C3orf18: variants seen among roughly 807,000 people sequenced by gnomAD.
The protein encoded by C3orf18 is chromosome 3 open reading frame 18.
A neutral mutation model predicts 14.1 loss-of-function variants in C3orf18; 12 were observed. The observed-to-expected ratio is 0.85, with a 90% confidence interval of 0.55 to 1.38. The LOEUF (loss-of-function observed/expected upper bound fraction) is 1.38, where lower values mean the gene tolerates loss of function less well. C3orf18 is among the 40% of genes most tolerant of loss of function. The pLI, the probability that C3orf18 is intolerant of heterozygous loss-of-function variation, is 0.00. For missense variants in C3orf18, 196 were observed against 213.9 expected, an observed-to-expected ratio of 0.92 and a Z score of 0.52; for synonymous variants, 82 against 87.9, an observed-to-expected ratio of 0.93 and a Z score of 0.38.
At chr3:50,568,299 A>G (rs1201879889), upstream of C3orf18, among the ~76,000 whole-genome samples, 2 of 152,160 alleles carry the variant, frequency 1.3e-5, no homozygotes, top group East Asian at 1.9e-4. Context: ...TGATCAGCTC[A>G]GGGAAGGAGC....
chr3:50,572,166 A>G (rs1227243109), upstream of C3orf18: 2 of 1,613,786 alleles, frequency 1.2e-6, no homozygotes, highest in African/African-American at 1.3e-5. Flanking sequence ...GGCTCAGCCT[A>G]AGGATGGTGC....
At chr3:50,568,164 T>G (rs1227068170), upstream of C3orf18, among the ~76,000 whole-genome samples, 1 of 152,136 alleles carries the variant, frequency 6.6e-6, no homozygotes, top group African/African-American at 2.4e-5. Flanking sequence ...TCCTCTGGTG[T>G]GAGGGTTCTA....
At chr3:50,572,096 C>G (rs905133303), upstream of C3orf18, 1 of 1,611,884 alleles carries the variant, frequency 6.2e-7, no homozygotes. Context: ...TGATGACCAC[C>G]CAGCTGCCCC....
upstream of C3orf18, among the ~76,000 whole-genome samples, chr3:50,573,317 A>G (rs1701225325): frequency 6.6e-6 from 1 of 152,218 alleles, no homozygotes; most frequent in South Asian, 2.1e-4. Context: ...AGGACACAGT[A>G]TGGAGACCCA....
Position 50,566,914 on chromosome 3 carries a change from G to A in C3orf18, c.-252+549C>T, listed in dbSNP as rs562306305. Among the ~76,000 whole-genome samples, 40 of 152,328 alleles carry A rather than the reference G, an allele frequency of 2.6e-4. No homozygotes were observed. In the South Asian group the frequency reaches 7.9e-3, roughly 30 times the overall value. ...CCAAGCTGCAGATGGGACGGCCTAG[G>A]GAGAGGAGGGATACCTAGCTCGTGG... On this transcript the variant is annotated intron_variant, in intron 1 of 5. Transcript: ENST00000357203.
rs1456659849 is a variant in C3orf18, at chr3:50,558,692, A to T, written c.*965T>A. 2 of 1,286,508 alleles carry T rather than the reference A, an allele frequency of 1.6e-6. No individual in the cohort carries two copies. Among genetic ancestry groups the T allele is most frequent in the Admixed American group, 4.6e-5 (2 of 43,446 alleles). 79.7% of individuals were successfully genotyped at this position (1,286,508 alleles called of 1,614,324 possible). ...GAGCCCAAGACAGGGAGCCGTTTTC[A>T]GAAGCAGGTGAGCCCAGTGAAACAA... On this transcript the variant is annotated 3_prime_UTR_variant, in exon 6 of 6. Coordinates refer to ENST00000357203, the MANE Select transcript of C3orf18 (RefSeq NM_016210.5).
upstream of C3orf18, chr3:50,571,288 G>T: frequency 3.1e-6 from 5 of 1,611,918 alleles, no homozygotes; most frequent in Non-Finnish European, 4.2e-6. Context: ...TGAGGCCCGG[G>T]AATCCAGTGA....
chr3:50,571,808 A>C, upstream of C3orf18: 1 of 1,612,790 alleles, frequency 6.2e-7, no homozygotes, highest in Non-Finnish European at 8.5e-7. Context: ...AGAGGTGAGC[A>C]CCCATGGATC....
chr3:50,574,608 C>T (rs898641668), upstream of C3orf18, among the ~76,000 whole-genome samples: 1 of 152,172 alleles, frequency 6.6e-6, no homozygotes, highest in Non-Finnish European at 1.5e-5. Flanking sequence ...CACCTGACAA[C>T]AACTGGTCAC....
At chr3:50,564,080 C>T (rs1171050708) in intron 3 of C3orf18, among the ~76,000 whole-genome samples, 1 of 152,244 alleles carries the variant, frequency 6.6e-6, no homozygotes, top group Non-Finnish European at 1.5e-5. Context: ...GCCTGTGGGG[C>T]CCATATGGCA....
Position 50,558,334 on chromosome 3 carries a change from T to C in C3orf18, c.*1323A>G. The C allele has an allele frequency of 4.3e-6, 1 of 233,042 alleles. No homozygotes were observed. Among genetic ancestry groups the C allele is most frequent in the East Asian group, 1.2e-4 (1 of 8,614 alleles). 14.4% of individuals were successfully genotyped at this position (233,042 alleles called of 1,614,324 possible). ...GGACATGCCTCTGTGCATGCTTGTG[T>C]GCATATGTATGCCCAGCGTAAAAAA... On this transcript the variant is annotated 3_prime_UTR_variant, in exon 6 of 6. Coordinates refer to ENST00000357203, the MANE Select transcript of C3orf18 (RefSeq NM_016210.5).
In C3orf18 at chr3:50,559,720, C is replaced by T. The variant is rs969023895; in HGVS notation, c.426G>A (p.Gln142=). 1.9e-6 allele frequency: 3 copies of T among 1,592,794 alleles called. No individual in the cohort carries two copies. The highest frequency in any genetic ancestry group is 2.6e-6 in the Non-Finnish European group (3 of 1,169,436). Residue 142 remains glutamine, a synonymous_variant, in exon 6 of 6, where the codon CAG becomes CAA. Coordinates refer to ENST00000357203, the MANE Select transcript of C3orf18 (RefSeq NM_016210.5). ...AMQGKTTLPS[Q]GPLQRPSRLV... is the part of the protein sequence containing the mutation. ...GCCGGCTGGGTCTCTGCAGTGGGCCCTGGGAGGGCAGAGTAGTCTGCAGGA... is the reference window on the plus strand; with the variant it reads ...GCCGGCTGGGTCTCTGCAGTGGGCCTTGGGAGGGCAGAGTAGTCTGCAGGA...
chr3:50,572,051 CCCAGGCA>C, upstream of C3orf18: 5 of 1,605,478 alleles, frequency 3.1e-6, no homozygotes, highest in South Asian at 5.6e-5. Context: ...GGTATCTCAA[CCCAGGCA>C]TGGTCCTGTT....
intron 5 of C3orf18, 51 bp downstream of exon 5, chr3:50,560,856 AGGGTGAGGGT>A: frequency 6.6e-7 from 1 of 1,512,164 alleles, no homozygotes; most frequent in Non-Finnish European, 8.9e-7. Flanking sequence ...GAAAGGAGGG[AGGGTGAGGGT>A]GGAGGACAGA....
Position 50,565,485 on chromosome 3 carries a change from A to G in C3orf18, c.215T>C (p.Ile72Thr). Reference protein sequence around the residue: ...MLLSFGIITVIGLAVALVLYI... With the variant: ...MLLSFGIITVTGLAVALVLYI... Reference sequence around the variant, plus strand: ...TCTCACCAAGGCCACAGCCAGGCCTATCACCGTGATGATCCCAAAGGACAG... The same window carrying G: ...TCTCACCAAGGCCACAGCCAGGCCTGTCACCGTGATGATCCCAAAGGACAG... Residue 72 changes from isoleucine (I) to threonine (T), a missense_variant, in exon 3 of 6, where the codon ATA becomes ACA. Physicochemically the swap from Ile to Thr is moderately conservative, Grantham distance 89 (BLOSUM62 -1). Transcript: ENST00000357203. The surrounding 1 kb of genome is among the most constrained non-coding windows in gnomAD (Gnocchi z 4.4). 2 of 1,613,980 alleles carry G rather than the reference A, an allele frequency of 1.2e-6. No homozygotes were observed. The highest frequency in any genetic ancestry group is 2.7e-5 in the African/African-American group (2 of 75,044).
At position 50,559,744 on chromosome 3, in the gene C3orf18, G is replaced by A. The variant is rs1270109619; in HGVS notation, c.409-7C>T. 17 of 1,568,882 alleles carry A rather than the reference G, an allele frequency of 1.1e-5. No individual in the cohort carries two copies. Among genetic ancestry groups the A allele is most frequent in the Non-Finnish European group, 1.5e-5 (17 of 1,154,756 alleles). On this transcript the variant is annotated splice_polypyrimidine_tract_variant and splice_region_variant and intron_variant, in intron 5 of 5. Transcript: ENST00000357203. ...CCTGGGAGGGCAGAGTAGTCTGCAGGAAGACAGGCAGGGGCATCAGAGACC... is the reference window on the plus strand; with the variant it reads ...CCTGGGAGGGCAGAGTAGTCTGCAGAAAGACAGGCAGGGGCATCAGAGACC...
In C3orf18 at chr3:50,559,195, A is replaced by G. The variant is rs1411476027; in HGVS notation, c.*462T>C. Reference sequence around the variant, plus strand: ...ACAGATGCTGCCCTACCCTGTCCCTATAACTTGGGTGGTTTCCTCTCCCCA... The same window carrying G: ...ACAGATGCTGCCCTACCCTGTCCCTGTAACTTGGGTGGTTTCCTCTCCCCA... On this transcript the variant is annotated 3_prime_UTR_variant, in exon 6 of 6. Transcript: ENST00000357203. 7.8e-7 allele frequency: 1 copy of G among 1,289,670 alleles called. No individual in the cohort carries two copies. Among genetic ancestry groups the G allele is most frequent in the Non-Finnish European group, 1.0e-6 (1 of 989,136 alleles). 79.9% of individuals were successfully genotyped at this position (1,289,670 alleles called of 1,614,324 possible). A position where few individuals can be genotyped will look rare whatever the true frequency, so the allele number is the denominator to read the frequency against.
upstream of C3orf18, chr3:50,572,192 C>T (rs1021051033): frequency 4.3e-6 from 7 of 1,611,084 alleles, no homozygotes; most frequent in African/African-American, 4.0e-5. Flanking sequence ...GTGTTTATTC[C>T]TCGGCCAGAA....
At chr3:50,568,664 G>C (rs375373865), upstream of C3orf18, among the ~76,000 whole-genome samples, 6 of 139,376 alleles carry the variant, frequency 4.3e-5, no homozygotes, top group African/African-American at 1.6e-4. Flanking sequence ...GGCCGAGGTT[G>C]CAGTGAGCAG....
Sources: allele counts gnomAD v4.1 joint callset (sites outside exome capture counted in the v4.1 genomes callset), GRCh38; gene constraint gnomAD v4.1.1; non-coding constraint Gnocchi (gnomAD v3.1); transcripts MANE v1.5; gene names NCBI Gene and HGNC (gene_info 2026-07-23, HGNC 2026-07-21).